GAB2: variants seen among roughly 807,000 people sequenced by gnomAD.
GAB2 encodes the protein GRB2 associated binding protein 2.
In GAB2, 26 loss-of-function variants were observed where a neutral mutation model predicts 65.5. That is an observed-to-expected ratio of 0.40 (90% confidence interval 0.29 to 0.55). The LOEUF (loss-of-function observed/expected upper bound fraction) is 0.55. GAB2 is among the 20% of genes least tolerant of loss of function. The probability of loss-of-function intolerance (pLI) is 0.53; values close to 1 mark genes in which losing one functional copy is unlikely to be tolerated. For synonymous variants in GAB2, 321 were observed against 329.6 expected, an observed-to-expected ratio of 0.97 and a Z score of 0.28; for missense variants, 884 against 875.8, an observed-to-expected ratio of 1.01 and a Z score of -0.12.
intron 3 of GAB2, among the ~76,000 whole-genome samples, chr11:78,240,159 A>T (rs1865087964): frequency 6.6e-6 from 1 of 152,148 alleles, no homozygotes. Context: ...CCTAAGCTGA[A>T]GCCAGTGGCT....
intron 2 of GAB2, among the ~76,000 whole-genome samples, chr11:78,278,726 T>G (rs1178862361): frequency 2.7e-5 from 2 of 73,560 alleles, no homozygotes; most frequent in South Asian, 4.6e-4. Context: ...AACATTTTTG[T>G]TTTTTTTTTT....
At chr11:78,368,456 C>T (rs1412466457) in intron 1 of GAB2, among the ~76,000 whole-genome samples, 1 of 152,094 alleles carries the variant, frequency 6.6e-6, no homozygotes, top group Non-Finnish European at 1.5e-5. Flanking sequence ...CACGTTTGTG[C>T]AGAAGTCACT....
chr11:78,298,876 G>A (rs1404932133), intron 1 of GAB2, among the ~76,000 whole-genome samples: 2 of 152,124 alleles, frequency 1.3e-5, no homozygotes, highest in African/African-American at 4.8e-5. Context: ...CAAAGACCTG[G>A]TTCCATATTT....
chr11:78,403,132 G>A (rs1856996140), intron 1 of GAB2, among the ~76,000 whole-genome samples: 1 of 152,194 alleles, frequency 6.6e-6, no homozygotes, highest in African/African-American at 2.4e-5. Context: ...AGAAGTAAAT[G>A]TCTGTTGCTT....
In GAB2 at chr11:78,251,204, C is replaced by G. The variant is rs545781382; in HGVS notation, c.377-804G>C. Among the ~76,000 whole-genome samples the G allele has an allele frequency of 1.2e-4, 19 of 152,110 alleles. 1 individual carries two copies. The highest frequency in any genetic ancestry group is 6.8e-3 in the Middle Eastern group (2 of 294). ...AATGAGGCTTTGCTTACTGAAGACT[C>G]ATTAATTGAGGCTCTGGACTGTGCC... is the stretch of plus-strand genomic sequence containing the variant. On this transcript the variant is annotated intron_variant, in intron 2 of 9. Coordinates refer to ENST00000361507, the MANE Select transcript of GAB2 (RefSeq NM_080491.3).
intron 2 of GAB2, among the ~76,000 whole-genome samples, chr11:78,272,950 G>A (rs769858327): frequency 6.6e-6 from 1 of 152,268 alleles, no homozygotes; most frequent in Non-Finnish European, 1.5e-5. Context: ...GCTTCAGAGG[G>A]TGGAAGCCCC....
At chr11:78,316,165 T>A (rs1855599556) in intron 1 of GAB2, among the ~76,000 whole-genome samples, 1 of 152,160 alleles carries the variant, frequency 6.6e-6, no homozygotes, top group Non-Finnish European at 1.5e-5. Flanking sequence ...CCTTTGGGAC[T>A]GACTTAAAGG....
intron 1 of GAB2, among the ~76,000 whole-genome samples, chr11:78,310,969 A>G (rs989358639): frequency 6.6e-6 from 1 of 152,218 alleles, no homozygotes; most frequent in Non-Finnish European, 1.5e-5. Flanking sequence ...CACTACAATG[A>G]TTTTGTATGA....
chr11:78,342,396 A>G (rs1358798872), intron 1 of GAB2, among the ~76,000 whole-genome samples: 2 of 131,402 alleles, frequency 1.5e-5, no homozygotes, highest in Non-Finnish European at 3.2e-5. Context: ...CCCCTTCAAC[A>G]CTTTGCACTT....
intron 1 of GAB2, among the ~76,000 whole-genome samples, chr11:78,381,524 T>A (rs1856697203): frequency 6.6e-6 from 1 of 152,192 alleles, no homozygotes; most frequent in Non-Finnish European, 1.5e-5. Context: ...AAGAAATGGC[T>A]CTTCCTCCTC....
intron 1 of GAB2, among the ~76,000 whole-genome samples, chr11:78,362,834 C>A (rs540644606): frequency 1.3e-5 from 2 of 152,022 alleles, no homozygotes; most frequent in South Asian, 4.2e-4. Context: ...TATATGACTA[C>A]CAAGCAAAAA....
intron 1 of GAB2, among the ~76,000 whole-genome samples, chr11:78,410,532 CA>C (rs1857113831): frequency 6.6e-6 from 1 of 152,044 alleles, no homozygotes; most frequent in South Asian, 2.1e-4. Flanking sequence ...AATAATGAAG[CA>C]ATGTCAGTAT....
chr11:78,260,768 A>G (rs1459689807), intron 2 of GAB2, among the ~76,000 whole-genome samples: 2 of 152,106 alleles, frequency 1.3e-5, no homozygotes, highest in Non-Finnish European at 2.9e-5. Flanking sequence ...CACCGCGCCC[A>G]GTCTATGCCT....
chr11:78,386,583 C>T (rs1372717119), intron 1 of GAB2, among the ~76,000 whole-genome samples: 3 of 152,144 alleles, frequency 2.0e-5, no homozygotes, highest in Non-Finnish European at 4.4e-5. Flanking sequence ...GAGGCCTGTC[C>T]TTATGGCTGA....
At chr11:78,351,308 A>G (rs1357379860) in intron 1 of GAB2, among the ~76,000 whole-genome samples, 1 of 151,848 alleles carries the variant, frequency 6.6e-6, no homozygotes, top group Non-Finnish European at 1.5e-5. Flanking sequence ...GATTTCGTAT[A>G]GAAGCATAAC....
intron 2 of GAB2, among the ~76,000 whole-genome samples, chr11:78,275,175 G>T (rs575886763): frequency 1.8e-4 from 27 of 152,136 alleles, no homozygotes; most frequent in African/African-American, 6.5e-4. Flanking sequence ...AAGCAGTGTT[G>T]CATTAAGGAA....
chr11:78,242,689 G>A lies in GAB2; in HGVS notation c.620+7468C>T, dbSNP rs1054613615. The stretch of plus-strand genomic sequence containing the variant: ...AAACATCCTAATGATGCATCTCAAG[G>A]AAGCAGAAAAACAAGAACCAAACCC... On this transcript the variant is annotated intron_variant, in intron 3 of 9. Transcript: ENST00000361507. Among the ~76,000 whole-genome samples the A allele has an allele frequency of 5.3e-5, 8 of 152,138 alleles. No individual in the cohort carries two copies. The East Asian group carries it at 1.2e-3, about 22-fold the overall frequency.
chr11:78,351,406 G>T (rs1289432181), intron 1 of GAB2, among the ~76,000 whole-genome samples: 1 of 152,098 alleles, frequency 6.6e-6, no homozygotes, highest in Non-Finnish European at 1.5e-5. Context: ...CTTTCATCAG[G>T]CACCTCTCTG....
At chr11:78,248,579 C>A (rs1865359191) in intron 3 of GAB2, among the ~76,000 whole-genome samples, 1 of 152,142 alleles carries the variant, frequency 6.6e-6, no homozygotes. Flanking sequence ...TGCTCCCAGG[C>A]AGTTGTCTAT....
Sources: allele counts gnomAD v4.1 joint callset (sites outside exome capture counted in the v4.1 genomes callset), GRCh38; gene constraint gnomAD v4.1.1; transcripts MANE v1.5; gene names NCBI Gene and HGNC (gene_info 2026-07-23, HGNC 2026-07-21).